The following CAMK4 variants were observed in gnomAD, a reference collection of about 807,000 sequenced individuals.
CAMK4 encodes calcium/calmodulin-dependent protein kinase type IV.
CAMK4 carries 22 observed loss-of-function variants against 44.9 expected under a neutral mutation model. That is an observed-to-expected ratio of 0.49 (90% confidence interval 0.35 to 0.70). CAMK4 has a LOEUF of 0.70. Ranked by LOEUF, CAMK4 falls within the 30% of genes least tolerant of loss-of-function variation. The pLI is 0.01. For synonymous variants in CAMK4, 218 were observed against 215.4 expected, an observed-to-expected ratio of 1.01 and a Z score of -0.11; for missense variants, 498 against 586.8, an observed-to-expected ratio of 0.85 and a Z score of 1.56.
intron 1 of CAMK4, among the ~76,000 whole-genome samples, chr5:111,316,776 C>T (rs1748442965): frequency 6.6e-6 from 1 of 152,116 alleles, no homozygotes; most frequent in Non-Finnish European, 1.5e-5. Flanking sequence ...AGCAAGCAAT[C>T]TATAATTTCA....
At chr5:111,324,907 A>G (rs1015895211) in intron 1 of CAMK4, among the ~76,000 whole-genome samples, 2 of 151,978 alleles carry the variant, frequency 1.3e-5, no homozygotes, top group African/African-American at 4.8e-5. Flanking sequence ...ATAGGTATAC[A>G]TGTGCCATGG....
At chr5:111,327,819 G>C (rs1580597647) in intron 1 of CAMK4, among the ~76,000 whole-genome samples, 1 of 150,040 alleles carries the variant, frequency 6.7e-6, no homozygotes, top group Non-Finnish European at 1.5e-5. Flanking sequence ...TTTGAGAAGT[G>C]TCTGTTCATA....
intron 2 of CAMK4, among the ~76,000 whole-genome samples, chr5:111,346,822 A>AAAACAAGCAAAC (rs1749889967): frequency 8.6e-6 from 1 of 116,538 alleles, no homozygotes; most frequent in South Asian, 2.9e-4. Flanking sequence ...CCCAGTGTGC[A>AAAACAAGCAAAC]AAACAAACAA....
intron 5 of CAMK4, among the ~76,000 whole-genome samples, chr5:111,419,158 C>G (rs1272211847): frequency 1.3e-5 from 2 of 152,304 alleles, no homozygotes; most frequent in East Asian, 3.9e-4. Flanking sequence ...GATGGTATCT[C>G]ATTGTGGTTT....
Position 111,413,609 on chromosome 5 carries a change from C to G in CAMK4, c.459+18827C>G, listed in dbSNP as rs150905682. Among the ~76,000 whole-genome samples the G allele has an allele frequency of 2.5e-3, 384 of 151,534 alleles. 2 individuals are homozygous for G. The highest frequency in any genetic ancestry group is 3.1e-3 in the Non-Finnish European group (208 of 67,916). Reference sequence around the variant, plus strand: ...AAAAAAAATTATTATGGAGCTAAAGCTATGAATTGTTGTAAAACTGAATGC... The same window carrying G: ...AAAAAAAATTATTATGGAGCTAAAGGTATGAATTGTTGTAAAACTGAATGC... On this transcript the variant is annotated intron_variant, in intron 5 of 10. Transcript: ENST00000282356.
chr5:111,324,108 G>A (rs1457247572), intron 1 of CAMK4, among the ~76,000 whole-genome samples: 1 of 151,824 alleles, frequency 6.6e-6, no homozygotes, highest in Non-Finnish European at 1.5e-5. Context: ...CAAGAGAATT[G>A]ATAAAGTAGA....
At position 111,224,525 on chromosome 5, in the gene CAMK4, C is replaced by T; in HGVS notation, c.42C>T (p.Cys14=). The T allele has an allele frequency of 6.2e-7, 1 of 1,611,500 alleles. No individual in the cohort carries two copies. The highest frequency in any genetic ancestry group is 8.5e-7 in the Non-Finnish European group (1 of 1,179,382). The change falls in exon 1 of 11, where the codon TGC becomes TGT. Residue 14 remains cysteine (C), a synonymous_variant. Transcript: ENST00000282356. The surrounding 1 kb of genome is among the most constrained non-coding windows in gnomAD (Gnocchi z 5.7). Reference sequence around the variant, plus strand: ...TGCCCTCCTGCTCCGCCTCGTCCTGCTCTTCGGTCACCGCCAGTGCGGCCC... The same window carrying T: ...TGCCCTCCTGCTCCGCCTCGTCCTGTTCTTCGGTCACCGCCAGTGCGGCCC... ...VTVPSCSASS[C]SSVTASAAPG... is the part of the protein sequence containing the mutation.
At chr5:111,450,875 T>C (rs950674395) in intron 7 of CAMK4, among the ~76,000 whole-genome samples, 2 of 151,972 alleles carry the variant, frequency 1.3e-5, no homozygotes, top group Admixed American at 1.3e-4. Flanking sequence ...AAAGCCACCA[T>C]GGAAACATAG....
At chr5:111,262,276 T>C (rs1003864079) in intron 1 of CAMK4, among the ~76,000 whole-genome samples, 2 of 151,400 alleles carry the variant, frequency 1.3e-5, no homozygotes, top group African/African-American at 4.9e-5. Flanking sequence ...TTCTAAGCAC[T>C]GGGGTGAGCT....
intron 5 of CAMK4, among the ~76,000 whole-genome samples, chr5:111,426,098 TA>T (rs33980568): frequency 0.34 from 51,935 of 151,560 alleles, 9,711 homozygotes; most frequent in Middle Eastern, 0.49. Context: ...TATTCCAAAT[TA>T]AAAAAAAATC....
chr5:111,243,093 G>A (rs1749077882), intron 1 of CAMK4, among the ~76,000 whole-genome samples: 4 of 152,130 alleles, frequency 2.6e-5, no homozygotes, highest in South Asian at 2.1e-4. Flanking sequence ...TCAATGACTT[G>A]TAGTAAAGCA....
intron 2 of CAMK4, among the ~76,000 whole-genome samples, chr5:111,372,773 C>G (rs750095147): frequency 1.3e-5 from 2 of 152,130 alleles, no homozygotes; most frequent in African/African-American, 4.8e-5. Flanking sequence ...GAAACAGCCT[C>G]CAAAGTTCCT....
chr5:111,229,587 C>T (rs966589073), intron 1 of CAMK4, among the ~76,000 whole-genome samples: 4 of 152,212 alleles, frequency 2.6e-5, no homozygotes, highest in African/African-American at 4.8e-5. Flanking sequence ...AAACCATTCT[C>T]GTGACCAGAG....
In CAMK4 at chr5:111,418,807, G is replaced by A. The variant is rs530623977; in HGVS notation, c.459+24025G>A. Reference sequence around the variant, plus strand: ...TTATGGCTGCATAGTATTCCATGGAGTATATGGGCCACATTTTCTTAATCC... The same window carrying A: ...TTATGGCTGCATAGTATTCCATGGAATATATGGGCCACATTTTCTTAATCC... On this transcript the variant is annotated intron_variant, in intron 5 of 10. Transcript: ENST00000282356. Among the ~76,000 whole-genome samples the A allele has an allele frequency of 1.6e-4, 24 of 152,236 alleles. No homozygotes were observed. The East Asian group carries it at 3.7e-3, about 23-fold the overall frequency.
rs138560808 is a variant in CAMK4, at chr5:111,234,764, G to T, written c.161+10120G>T. Among the ~76,000 whole-genome samples the T allele has an allele frequency of 7.2e-5, 11 of 152,208 alleles. No homozygotes were observed. In the East Asian group the frequency reaches 1.9e-3, roughly 27 times the overall value. On this transcript the variant is annotated intron_variant, in intron 1 of 10. Transcript: ENST00000282356. ...GAAATATTTCATGGAAAAAAATAAA[G>T]AAGGCTAGATTTGAGACCACCATCT...
chr5:111,482,766 T>C lies in CAMK4; in HGVS notation c.829-19T>C. On this transcript the variant is annotated intron_variant, in intron 9 of 10. Transcript: ENST00000282356. The surrounding 1 kb of genome is among the most constrained non-coding windows in gnomAD (Gnocchi z 4.9). ...CATCCTAAAAACCTCGCTAAGTTTA[T>C]GGTTCTTTATTATTTCAGGTCAGAA... 6.3e-7 allele frequency: 1 copy of C among 1,597,712 alleles called. No individual in the cohort carries two copies. The highest frequency in any genetic ancestry group is 8.5e-7 in the Non-Finnish European group (1 of 1,174,278).
chr5:111,442,296 C>T (rs946645031), intron 5 of CAMK4, among the ~76,000 whole-genome samples: 2 of 152,072 alleles, frequency 1.3e-5, no homozygotes, highest in Non-Finnish European at 2.9e-5. Context: ...GGGTTAGAGA[C>T]CAAGCTGGCC....
At chr5:111,326,279 A>C (rs1245611329) in intron 1 of CAMK4, among the ~76,000 whole-genome samples, 1 of 151,980 alleles carries the variant, frequency 6.6e-6, no homozygotes, top group African/African-American at 2.4e-5. Flanking sequence ...ATATCTCTAT[A>C]AACCCTATAG....
intron 1 of CAMK4, among the ~76,000 whole-genome samples, chr5:111,243,084 C>A (rs1237350894): frequency 1.3e-5 from 2 of 152,140 alleles, no homozygotes; most frequent in Non-Finnish European, 2.9e-5. Context: ...AAACATTATT[C>A]AATGACTTGT....
Sources: gnomAD v4.1 joint callset for allele counts (sites outside exome capture counted in the v4.1 genomes callset) on GRCh38, gnomAD v4.1.1 for gene constraint, Gnocchi (gnomAD v3.1) non-coding constraint, MANE v1.5 for transcripts, NCBI Gene and HGNC (gene_info 2026-07-23, HGNC 2026-07-21) for gene names.